The following TSC22D1 variants were observed in gnomAD, a reference collection of about 807,000 sequenced individuals.
TSC22D1 encodes TSC22 domain family protein 1.
A neutral mutation model predicts 74.2 loss-of-function variants in TSC22D1; 9 were observed. That is an observed-to-expected ratio of 0.12 (90% CI 0.07 to 0.21). TSC22D1 has a LOEUF of 0.21. Ranked by LOEUF, TSC22D1 falls within the 10% of genes least tolerant of loss-of-function variation. The probability of loss-of-function intolerance (pLI) is 1.00; values close to 1 mark genes in which losing one functional copy is unlikely to be tolerated. For synonymous variants in TSC22D1, 586 were observed against 492.5 expected (o/e 1.19, Z -2.51); for missense variants, 1,427 against 1,304.7 (o/e 1.09, Z -1.44).
At chr13:44,483,508 AAAAT>A (rs1206601253) in intron 1 of TSC22D1, among the ~76,000 whole-genome samples, 2 of 152,194 alleles carry the variant, frequency 1.3e-5, no homozygotes, top group Non-Finnish European at 2.9e-5. Flanking sequence ...ACAAATACAA[AAAAT>A]AAATAAAAAA....
chr13:44,550,953 A>AT lies in TSC22D1; in HGVS notation c.2912+22209_2912+22210insA, dbSNP rs1228204103. Among the ~76,000 whole-genome samples, 3 of 151,700 alleles carry AT rather than the reference A, an allele frequency of 2.0e-5. No homozygotes were observed. The East Asian group carries it at 5.8e-4, about 29-fold the overall frequency. On this transcript the variant is annotated intron_variant, in intron 1 of 2. Transcript: ENST00000458659. ...AGATCCAGTCTCAAAAAAAAAAAAT[A>AT]AAAATAAACCGGGCATGGTGGCGCC...
At chr13:44,519,260 T>G (rs1024327404) in intron 1 of TSC22D1, among the ~76,000 whole-genome samples, 1 of 152,162 alleles carries the variant, frequency 6.6e-6, no homozygotes, top group African/African-American at 2.4e-5. Flanking sequence ...TTTCCTTCCC[T>G]TTTTTTCATA....
chr13:44,446,624 C>G (rs1801691024), intron 1 of TSC22D1, among the ~76,000 whole-genome samples: 1 of 151,716 alleles, frequency 6.6e-6, no homozygotes, highest in African/African-American at 2.4e-5. Context: ...GCCTGTATGC[C>G]CTGAATCAAA....
chr13:44,438,366 C>A (rs1319524938), intron 1 of TSC22D1, among the ~76,000 whole-genome samples: 4 of 152,152 alleles, frequency 2.6e-5, no homozygotes, highest in Non-Finnish European at 4.4e-5. Flanking sequence ...TTTCCTCAAG[C>A]AGCATCCTTT....
intron 1 of TSC22D1, among the ~76,000 whole-genome samples, chr13:44,490,854 G>A (rs1878669245): frequency 6.6e-6 from 1 of 151,124 alleles, no homozygotes; most frequent in Non-Finnish European, 1.5e-5. Context: ...CCAAGATTAC[G>A]CCACTGCACT....
intron 1 of TSC22D1, among the ~76,000 whole-genome samples, chr13:44,502,884 T>A (rs79479865): frequency 9.7e-4 from 148 of 152,360 alleles, no homozygotes; most frequent in African/African-American, 3.5e-3. Flanking sequence ...TTTTTTAAAA[T>A]CTGTATATTT....
intron 1 of TSC22D1, among the ~76,000 whole-genome samples, chr13:44,534,361 T>TAAA (rs61378692): frequency 1.2e-4 from 13 of 107,260 alleles, no homozygotes; most frequent in African/African-American, 3.3e-4. Context: ...GACCCCGTCT[T>TAAA]AAAAAAAAAA....
intron 1 of TSC22D1, among the ~76,000 whole-genome samples, chr13:44,469,795 T>TA (rs1268935419): frequency 1.3e-5 from 2 of 152,078 alleles, no homozygotes; most frequent in South Asian, 2.1e-4. Flanking sequence ...CTATGAAGTT[T>TA]AAAAAAAAGT....
At chr13:44,553,955 G>T (rs979626065) in intron 1 of TSC22D1, among the ~76,000 whole-genome samples, 7 of 152,192 alleles carry the variant, frequency 4.6e-5, no homozygotes, top group African/African-American at 1.7e-4. Flanking sequence ...GACCCCAGGT[G>T]AGAAAGACTG....
chr13:44,460,723 T>A (rs1876953149), intron 1 of TSC22D1, among the ~76,000 whole-genome samples: 1 of 152,198 alleles, frequency 6.6e-6, no homozygotes, highest in Non-Finnish European at 1.5e-5. Context: ...CAGCAGGAAA[T>A]CAAGTGACCT....
chr13:44,520,631 T>C (rs1362216725), intron 1 of TSC22D1, among the ~76,000 whole-genome samples: 1 of 152,152 alleles, frequency 6.6e-6, no homozygotes, highest in Non-Finnish European at 1.5e-5. Flanking sequence ...AGTAATTTTT[T>C]AAAAATCTTA....
In TSC22D1 at chr13:44,436,388, C is replaced by T. The variant is rs908596736; in HGVS notation, c.2913-293G>A. The T allele has an allele frequency of 4.5e-6, 6 of 1,320,602 alleles. No individual in the cohort carries two copies. In the African/African-American group the frequency reaches 8.9e-5, roughly 20 times the overall value. The allele number at this position is 1,320,602 out of a possible 1,614,324, so 81.8% of individuals were successfully genotyped here. ...TTTTAACATTTCGAAAAACAACATC[C>T]ATGTCACCATAATCTCTCAGCAATG... On this transcript the variant is annotated intron_variant, in intron 1 of 2. Coordinates refer to ENST00000458659, the MANE Select transcript of TSC22D1 (RefSeq NM_183422.4).
chr13:44,467,187 A>G (rs1241947598), intron 1 of TSC22D1, among the ~76,000 whole-genome samples: 2 of 151,616 alleles, frequency 1.3e-5, no homozygotes, highest in African/African-American at 4.8e-5. Flanking sequence ...ACAAAAAAAA[A>G]TAGCTGCTAT....
At chr13:44,447,183 C>G (rs1462128983) in intron 1 of TSC22D1, among the ~76,000 whole-genome samples, 1 of 151,380 alleles carries the variant, frequency 6.6e-6, no homozygotes, top group Non-Finnish European at 1.5e-5. Flanking sequence ...AGTGTCTCGC[C>G]ATGTTGCCCA....
Position 44,576,306 on chromosome 13 carries a change from C to T in TSC22D1, c.-232G>A. On this transcript the variant is annotated 5_prime_UTR_variant, in exon 1 of 3. Transcript: ENST00000458659. ...CGGCCGGGGACCCGAAGGGGGGATC[C>T]CTTCAGTCCTTCGCCATTCACTTTC... 1 of 557,166 alleles carries T rather than the reference C, an allele frequency of 1.8e-6. No homozygotes were observed. Among genetic ancestry groups the T allele is most frequent in the African/African-American group, 1.9e-5 (1 of 52,938 alleles). 34.5% of individuals were successfully genotyped at this position (557,166 alleles called of 1,614,324 possible). A position where few individuals can be genotyped will look rare whatever the true frequency, so the allele number is the denominator to read the frequency against.
intron 1 of TSC22D1, among the ~76,000 whole-genome samples, chr13:44,572,422 A>G (rs1324966267): frequency 6.6e-6 from 1 of 152,198 alleles, no homozygotes; most frequent in Admixed American, 6.5e-5. Context: ...ACGCCTCTAT[A>G]AATTCAATCC....
At chr13:44,451,012 G>A (rs900991346) in intron 1 of TSC22D1, among the ~76,000 whole-genome samples, 7 of 152,286 alleles carry the variant, frequency 4.6e-5, no homozygotes, top group Middle Eastern at 3.4e-3. Context: ...AACCTTGAAT[G>A]GGAGAGTAGC....
At position 44,468,998 on chromosome 13, in the gene TSC22D1, A is replaced by G. The variant is rs561748287; in HGVS notation, c.2913-32903T>C. On this transcript the variant is annotated intron_variant, in intron 1 of 2. Coordinates refer to ENST00000458659, the MANE Select transcript of TSC22D1 (RefSeq NM_183422.4). ...TGACATCACACTAATTCAGATTTAT[A>G]TCATAAAACTTCCAGATTATTGATT... Among the ~76,000 whole-genome samples, 3 of 152,318 alleles carry G rather than the reference A, an allele frequency of 2.0e-5. No individual in the cohort carries two copies. In the South Asian group the frequency reaches 6.2e-4, roughly 32 times the overall value.
At chr13:44,544,175 T>C (rs527821039) in intron 1 of TSC22D1, among the ~76,000 whole-genome samples, 102 of 152,302 alleles carry the variant, frequency 6.7e-4, no homozygotes, top group Middle Eastern at 6.8e-3. Context: ...TTTTTTAGTA[T>C]AGTTAGCAGA....
Sources: gnomAD v4.1 joint callset for allele counts (sites outside exome capture counted in the v4.1 genomes callset) on GRCh38, gnomAD v4.1.1 for gene constraint, MANE v1.5 for transcripts, NCBI Gene and HGNC (gene_info 2026-07-23, HGNC 2026-07-21) for gene names.